The following ARID1B variants were observed in gnomAD, a reference collection of about 807,000 sequenced individuals.
The protein encoded by ARID1B is AT-rich interaction domain 1B, also known as AT-rich interactive domain-containing protein 1B.
Under a neutral mutation model 212.3 loss-of-function variants are expected in ARID1B, and 30 were observed. The ratio of observed to expected loss-of-function variants is 0.14; its 90% CI spans 0.11 to 0.19. The LOEUF (loss-of-function observed/expected upper bound fraction) is 0.19, where lower values mean the gene tolerates loss of function less well. Ranked by LOEUF, ARID1B falls within the 10% of genes least tolerant of loss-of-function variation. ARID1B has a pLI of 1.00. For synonymous variants in ARID1B, 1,402 were observed against 1,301.7 expected, an observed-to-expected ratio of 1.08 and a Z score of -1.66; for missense variants, 2,891 against 3,204.0, an observed-to-expected ratio of 0.90 and a Z score of 2.36.
chr6:157,184,856 CT>C (rs1583470595), intron 13 of ARID1B: 2 of 198,014 alleles, frequency 1.0e-5, no homozygotes, highest in East Asian at 3.0e-4. Context: ...CTCCCCCGCC[CT>C]CTTTCGGAAA....
At chr6:157,030,445 C>T (rs1276144113) in intron 4 of ARID1B, 1 of 152,226 alleles carries the variant, frequency 6.6e-6, no homozygotes, top group African/African-American at 2.4e-5. Flanking sequence ...GAGGCTATAA[C>T]ACCACATTGC....
chr6:156,907,722 T>G (rs1336222232), intron 3 of ARID1B, among the ~76,000 whole-genome samples: 1 of 143,554 alleles, frequency 7.0e-6, no homozygotes, highest in African/African-American at 2.6e-5. Context: ...CATGGTGAAA[T>G]CCCATCTCTA....
intron 1 of ARID1B, among the ~76,000 whole-genome samples, chr6:156,821,171 G>A (rs1301331433): frequency 1.3e-5 from 2 of 152,160 alleles, no homozygotes; most frequent in African/African-American, 2.4e-5. Flanking sequence ...GCAAACAAGC[G>A]GAGATAAAGA....
At chr6:157,059,925 C>T (rs1018372015) in intron 4 of ARID1B, among the ~76,000 whole-genome samples, 4 of 152,188 alleles carry the variant, frequency 2.6e-5, no homozygotes, top group Non-Finnish European at 4.4e-5. Context: ...TCAGCATCTA[C>T]GCTGCCACTT....
At chr6:156,792,334 G>C (rs1780067862) in intron 1 of ARID1B, among the ~76,000 whole-genome samples, 1 of 152,172 alleles carries the variant, frequency 6.6e-6, no homozygotes, top group African/African-American at 2.4e-5. Flanking sequence ...CGGACCCAGT[G>C]GTTCAACACC....
intron 4 of ARID1B, among the ~76,000 whole-genome samples, chr6:157,000,971 A>T (rs1490582991): frequency 6.6e-6 from 1 of 152,126 alleles, no homozygotes; most frequent in Non-Finnish European, 1.5e-5. Context: ...CTGGTATTAC[A>T]GCCATGAGCC....
intron 6 of ARID1B, among the ~76,000 whole-genome samples, chr6:157,116,577 A>G (rs1787334686): frequency 6.6e-6 from 1 of 150,954 alleles, no homozygotes; most frequent in South Asian, 2.1e-4. Context: ...AGATATGCTG[A>G]AGCAGAACCC....
chr6:157,163,874 GAGAA>G (rs1208918267), intron 8 of ARID1B, among the ~76,000 whole-genome samples: 2 of 152,270 alleles, frequency 1.3e-5, no homozygotes, highest in African/African-American at 4.8e-5. Flanking sequence ...GAGTCCCATA[GAGAA>G]AGAAGTGTAG....
chr6:157,000,696 C>CTTTTTTTTTTTTTTTTTTTTT (rs10536002), intron 4 of ARID1B, among the ~76,000 whole-genome samples: 7 of 99,226 alleles, frequency 7.1e-5, no homozygotes, highest in Admixed American at 1.2e-4. Flanking sequence ...TCTAATTATT[C>CTTTTTTTTTTTTTTTTTTTTT]TTTTTTTTTT....
At chr6:156,815,493 A>G (rs1481165733) in intron 1 of ARID1B, among the ~76,000 whole-genome samples, 1 of 152,168 alleles carries the variant, frequency 6.6e-6, no homozygotes, top group Non-Finnish European at 1.5e-5. Flanking sequence ...CCATTTTTAA[A>G]ATAACAGTGC....
chr6:157,111,125 G>C (rs1454131930), intron 6 of ARID1B: 1 of 153,278 alleles, frequency 6.5e-6, no homozygotes, highest in Non-Finnish European at 1.5e-5. Context: ...GAGCTAGTTA[G>C]TGCCAGTCCC....
At chr6:157,169,944 A>C (rs1276299600) in intron 9 of ARID1B, 2 of 152,168 alleles carry the variant, frequency 1.3e-5, no homozygotes, top group Non-Finnish European at 2.9e-5. Context: ...CCAAACATGA[A>C]GTGTCCCGTT....
intron 3 of ARID1B, among the ~76,000 whole-genome samples, chr6:156,912,384 C>T (rs1265209609): frequency 1.3e-5 from 2 of 151,728 alleles, no homozygotes; most frequent in African/African-American, 4.8e-5. Context: ...CTTAAATACT[C>T]ACCAGCCCCA....
chr6:157,035,702 C>T (rs187321245), intron 4 of ARID1B, among the ~76,000 whole-genome samples: 2 of 152,354 alleles, frequency 1.3e-5, no homozygotes, highest in East Asian at 3.9e-4. Context: ...CGAGGCTGCT[C>T]ATCTCCATCC....
At chr6:156,939,338 C>A (rs1393323283) in intron 4 of ARID1B, 1 of 152,082 alleles carries the variant, frequency 6.6e-6, no homozygotes, top group Non-Finnish European at 1.5e-5. Flanking sequence ...AATTTATATT[C>A]CAAGATAGCC....
At position 156,845,298 on chromosome 6, in the gene ARID1B, G is replaced by T. The variant is rs144517275; in HGVS notation, c.1986+15877G>T. 2.5e-3 allele frequency among the ~76,000 whole-genome samples: 384 copies of T among 152,266 alleles called. 2 individuals carry two copies. Among genetic ancestry groups the T allele is most frequent in the African/African-American group, 9.0e-3 (374 of 41,550 alleles). On this transcript the variant is annotated intron_variant, in intron 2 of 19. Coordinates refer to ENST00000636930, the MANE Select transcript of ARID1B (RefSeq NM_001374828.1). ...CATTCTGTACTTTATTACCCTCCTG[G>T]CCCGCTGCGCATTCGGAGTAAAGCA...
At chr6:156,926,961 T>TG (rs1277721147) in intron 3 of ARID1B, among the ~76,000 whole-genome samples, 4 of 152,212 alleles carry the variant, frequency 2.6e-5, no homozygotes, top group Non-Finnish European at 5.9e-5. Flanking sequence ...ATTACAGGTG[T>TG]GAGCCATCAT....
chr6:156,857,553 A>G (rs1010948365), intron 2 of ARID1B, among the ~76,000 whole-genome samples: 1 of 152,232 alleles, frequency 6.6e-6, no homozygotes, highest in South Asian at 2.1e-4. Context: ...TTGTTGAGCT[A>G]GGAAGGGGGC....
intron 6 of ARID1B, among the ~76,000 whole-genome samples, chr6:157,112,552 G>A (rs980146678): frequency 6.6e-5 from 10 of 152,182 alleles, no homozygotes; most frequent in African/African-American, 2.2e-4. Context: ...AAGGGTAAAA[G>A]TTCCCTTATT....
Sources: gnomAD v4.1 joint callset for allele counts (sites outside exome capture counted in the v4.1 genomes callset) on GRCh38, gnomAD v4.1.1 for gene constraint, MANE v1.5 for transcripts, NCBI Gene and HGNC (gene_info 2026-07-23, HGNC 2026-07-21) for gene names.